The following CCSER1 variants were observed in gnomAD, a reference collection of about 807,000 sequenced individuals.
CCSER1 encodes the protein coiled-coil serine rich protein 1, also known as serine-rich coiled-coil domain-containing protein 1.
CCSER1 carries 41 observed loss-of-function variants against 82.0 expected under a neutral mutation model. The ratio of observed to expected loss-of-function variants is 0.50; its 90% CI spans 0.39 to 0.65. The LOEUF (loss-of-function observed/expected upper bound fraction) is 0.65. Among genes scored for constraint, CCSER1 ranks in the 30% least tolerant of loss-of-function variants. The pLI, the probability that CCSER1 is intolerant of heterozygous loss-of-function variation, is 0.00. For synonymous variants in CCSER1, 414 were observed against 383.9 expected, an observed-to-expected ratio of 1.08 and a Z score of -0.92; for missense variants, 1,119 against 1,064.2, an observed-to-expected ratio of 1.05 and a Z score of -0.72.
chr4:91,484,409 TG>T (rs1291099304), intron 10 of CCSER1, among the ~76,000 whole-genome samples: 1 of 152,176 alleles, frequency 6.6e-6, no homozygotes, highest in Non-Finnish European at 1.5e-5. Context: ...GACAAATGAC[TG>T]ACACTAATTG....
chr4:90,632,077 A>G (rs1724556511), intron 6 of CCSER1, among the ~76,000 whole-genome samples: 1 of 152,120 alleles, frequency 6.6e-6, no homozygotes, highest in African/African-American at 2.4e-5. Context: ...TATAGTCCAT[A>G]TTACTTATGG....
chr4:91,069,799 G>T (rs902923588), intron 9 of CCSER1, among the ~76,000 whole-genome samples: 2 of 152,136 alleles, frequency 1.3e-5, no homozygotes, highest in African/African-American at 2.4e-5. Flanking sequence ...CCTTGGGAAG[G>T]TTGTGGGGAG....
chr4:91,218,705 G>T (rs555678705), intron 10 of CCSER1, among the ~76,000 whole-genome samples: 1 of 152,224 alleles, frequency 6.6e-6, no homozygotes, highest in African/African-American at 2.4e-5. Flanking sequence ...CCCTTCTCTT[G>T]CTTTAGGACA....
chr4:90,728,458 G>T (rs969285107), intron 7 of CCSER1, among the ~76,000 whole-genome samples: 41 of 152,296 alleles, frequency 2.7e-4, no homozygotes, highest in African/African-American at 9.6e-4. Flanking sequence ...GCCGTGACAT[G>T]AACTTAACTT....
chr4:90,267,740 A>C (rs1198142680), intron 1 of CCSER1, among the ~76,000 whole-genome samples: 1 of 152,162 alleles, frequency 6.6e-6, no homozygotes, highest in African/African-American at 2.4e-5. Flanking sequence ...TCAAGGTGGT[A>C]CCTCTCTAAG....
chr4:90,816,157 C>T (rs2149766610), intron 8 of CCSER1, among the ~76,000 whole-genome samples: 1 of 152,242 alleles, frequency 6.6e-6, no homozygotes, highest in Non-Finnish European at 1.5e-5. Flanking sequence ...TTGTAAAGTG[C>T]ATGATTTAAC....
intron 1 of CCSER1, among the ~76,000 whole-genome samples, chr4:90,298,367 A>G (rs1426669503): frequency 1.3e-5 from 2 of 151,684 alleles, no homozygotes; most frequent in African/African-American, 2.4e-5. Flanking sequence ...TCTTGCGTCT[A>G]TTTGATTCTT....
chr4:91,265,006 G>A (rs572392700), intron 10 of CCSER1, among the ~76,000 whole-genome samples: 2 of 151,866 alleles, frequency 1.3e-5, no homozygotes, highest in African/African-American at 4.8e-5. Context: ...GGCACAATTA[G>A]CATTCATTGT....
intron 8 of CCSER1, among the ~76,000 whole-genome samples, chr4:90,842,774 GTCAT>G (rs2149882449): frequency 6.6e-6 from 1 of 152,242 alleles, no homozygotes; most frequent in South Asian, 2.1e-4. Context: ...AAGGGAGTGG[GTCAT>G]TCAAAGAACC....
At position 91,443,774 on chromosome 4, in the gene CCSER1, T is replaced by C. The variant is rs1048865107; in HGVS notation, c.2218-154798T>C. Among the ~76,000 whole-genome samples, 5 of 149,202 alleles carry C rather than the reference T, an allele frequency of 3.4e-5. No homozygotes were observed. In the South Asian group the frequency reaches 8.4e-4, roughly 25 times the overall value. ...GTATTATATAATATATATAATTCATTTCAGATAAAAAGAAAAATGGGATTT... is the reference window on the plus strand; with the variant it reads ...GTATTATATAATATATATAATTCATCTCAGATAAAAAGAAAAATGGGATTT... On this transcript the variant is annotated intron_variant, in intron 10 of 10. Coordinates refer to ENST00000509176, the MANE Select transcript of CCSER1 (RefSeq NM_001145065.2).
intron 1 of CCSER1, among the ~76,000 whole-genome samples, chr4:90,294,678 C>G (rs188774197): frequency 1.3e-5 from 2 of 152,050 alleles, no homozygotes; most frequent in Admixed American, 6.6e-5. Flanking sequence ...ATCTCATACT[C>G]CCTTATTTTG....
intron 1 of CCSER1, among the ~76,000 whole-genome samples, chr4:90,196,854 A>G (rs1578433699): frequency 6.6e-6 from 1 of 152,226 alleles, no homozygotes; most frequent in Admixed American, 6.6e-5. Flanking sequence ...TCCCGAACAG[A>G]TGGAAACCAG....
chr4:90,389,188 G>C (rs868151292), intron 3 of CCSER1, among the ~76,000 whole-genome samples: 1 of 152,124 alleles, frequency 6.6e-6, no homozygotes, highest in Non-Finnish European at 1.5e-5. Context: ...CATATGATGA[G>C]ATAATAACGT....
chr4:91,134,976 C>T (rs539882403), intron 10 of CCSER1, among the ~76,000 whole-genome samples: 38 of 151,928 alleles, frequency 2.5e-4, no homozygotes, highest in East Asian at 1.4e-3. Flanking sequence ...AGGAGAATCG[C>T]GTGAACCCAG....
At position 91,599,157 on chromosome 4, in the gene CCSER1, A is replaced by C; in HGVS notation, c.*100A>C. The stretch of plus-strand genomic sequence containing the variant: ...TGTCATGTACTTTTTCTTACATTTT[A>C]GTTATAAACAGAGTTGTGTTGTTGG... On this transcript the variant is annotated 3_prime_UTR_variant, in exon 11 of 11. Coordinates refer to ENST00000509176, the MANE Select transcript of CCSER1 (RefSeq NM_001145065.2). The C allele has an allele frequency of 7.4e-7, 1 of 1,350,152 alleles. No homozygotes were observed. Among genetic ancestry groups the C allele is most frequent in the East Asian group, 2.5e-5 (1 of 39,328 alleles). 83.6% of individuals were successfully genotyped at this position (1,350,152 alleles called of 1,614,324 possible).
At chr4:90,736,134 C>G (rs1404742022) in intron 7 of CCSER1, among the ~76,000 whole-genome samples, 1 of 152,034 alleles carries the variant, frequency 6.6e-6, no homozygotes, top group Non-Finnish European at 1.5e-5. Context: ...TATGGTCTAT[C>G]CTTGAGAGTT....
chr4:91,582,813 A>G (rs548048528), intron 10 of CCSER1, among the ~76,000 whole-genome samples: 71 of 151,572 alleles, frequency 4.7e-4, no homozygotes, highest in African/African-American at 1.5e-3. Flanking sequence ...TTGTCTTAGG[A>G]ACATATGACA....
intron 10 of CCSER1, among the ~76,000 whole-genome samples, chr4:91,176,674 C>A (rs1054173411): frequency 6.6e-6 from 1 of 152,124 alleles, no homozygotes; most frequent in African/African-American, 2.4e-5. Flanking sequence ...GATTTTGTAT[C>A]CTGAGACTTT....
At chr4:90,565,436 T>A (rs907366357) in intron 5 of CCSER1, among the ~76,000 whole-genome samples, 1 of 152,208 alleles carries the variant, frequency 6.6e-6, no homozygotes, top group Non-Finnish European at 1.5e-5. Flanking sequence ...GTTTTCTACA[T>A]ATATAATTAT....
Sources: gnomAD v4.1 joint callset for allele counts (sites outside exome capture counted in the v4.1 genomes callset) on GRCh38, gnomAD v4.1.1 for gene constraint, MANE v1.5 for transcripts, NCBI Gene and HGNC (gene_info 2026-07-23, HGNC 2026-07-21) for gene names.